The following ITGAX variants were observed in gnomAD, a reference collection of about 807,000 sequenced individuals.
The protein encoded by ITGAX is integrin alpha-X.
In ITGAX, 99 loss-of-function variants were observed where a neutral mutation model predicts 140.2. That is an observed-to-expected ratio of 0.71 (90% CI 0.60 to 0.83). ITGAX has a LOEUF of 0.83. Ranked by LOEUF, ITGAX falls within the 40% of genes least tolerant of loss-of-function variation. ITGAX has a pLI of 0.00. For missense variants in ITGAX, 1,444 were observed against 1,482.0 expected, an observed-to-expected ratio of 0.97 and a Z score of 0.42; for synonymous variants, 631 against 600.4, an observed-to-expected ratio of 1.05 and a Z score of -0.75.
At chr16:31,364,859 A>G (rs1477371513) in intron 14 of ITGAX, among the ~76,000 whole-genome samples, 6 of 151,562 alleles carry the variant, frequency 4.0e-5, no homozygotes, top group South Asian at 4.2e-4. Context: ...AATACAAAAA[A>G]AAAAAAAAAA....
At chr16:31,374,669 TG>T (rs1357870602) in intron 20 of ITGAX, among the ~76,000 whole-genome samples, 1 of 152,174 alleles carries the variant, frequency 6.6e-6, no homozygotes, top group African/African-American at 2.4e-5. Flanking sequence ...CTCTAACCCC[TG>T]GGTTCAAGCA....
Position 31,381,786 on chromosome 16 carries a change from T to G in ITGAX, c.3388-17T>G, listed in dbSNP as rs768514759. 1.1e-6 allele frequency: 1 copy of G among 871,532 alleles called. No individual in the cohort carries two copies. The highest frequency in any genetic ancestry group is 1.6e-5 in the African/African-American group (1 of 61,242). The allele number at this position is 871,532 out of a possible 1,614,324, so 54.0% of individuals were successfully genotyped here. A position where few individuals can be genotyped will look rare whatever the true frequency, so the allele number is the denominator to read the frequency against. On this transcript the variant is annotated splice_polypyrimidine_tract_variant and intron_variant, in intron 29 of 29. Coordinates refer to ENST00000268296, the MANE Select transcript of ITGAX (RefSeq NM_000887.5). ...CTGAATGGGCTTCCTGAGTTTCTTC[T>G]TCGTCCTCCCCCCTAGGTTGGCTTC...
rs989787381 is a variant in ITGAX at position 31,382,419 on chromosome 16, C to T, written c.*512C>T. The stretch of plus-strand genomic sequence containing the variant: ...CGCCACCTCGCCCGGCCCGATCTTT[C>T]TAAAATACAGTTCTGAATATGCTGC... On this transcript the variant is annotated 3_prime_UTR_variant, in exon 30 of 30. Transcript: ENST00000268296. 4 of 1,534,714 alleles carry T rather than the reference C, an allele frequency of 2.6e-6. No homozygotes were observed. Among genetic ancestry groups the T allele is most frequent in the Middle Eastern group, 3.3e-4 (2 of 5,982 alleles).
At position 31,357,034 on chromosome 16, in the gene ITGAX, C is replaced by T. The variant is rs1372867945; in HGVS notation, c.251C>T (p.Pro84Leu). 1 of 1,608,802 alleles carries T rather than the reference C, an allele frequency of 6.2e-7. No individual in the cohort carries two copies. Among genetic ancestry groups the T allele is most frequent in the Admixed American group, 1.7e-5 (1 of 59,006 alleles). The change falls in exon 4 of 30, where the codon CCC (proline) becomes CTC (leucine). Residue 84 changes from proline to leucine, a missense_variant. Coordinates refer to ENST00000268296, the MANE Select transcript of ITGAX (RefSeq NM_000887.5). ...GACEPIGLQV[P>L]PEAVNMSLGL... is the part of the protein sequence containing the mutation. ...ATGCACATATCTGTCCCCACAGTGCCCCCGGAGGCCGTGAACATGTCCCTG... is the reference window on the plus strand; with the variant it reads ...ATGCACATATCTGTCCCCACAGTGCTCCCGGAGGCCGTGAACATGTCCCTG...
At chr16:31,357,212 G>A (rs2142479379) in intron 4 of ITGAX, 41 bp from the exon 5 acceptor site, 1 of 1,549,172 alleles carries the variant, frequency 6.5e-7, no homozygotes. Context: ...GAGGGTGGGA[G>A]GAAGCAGGGG....
chr16:31,379,505 G>T, intron 23 of ITGAX, 63 bp from the exon 24 acceptor site: 1 of 1,478,780 alleles, frequency 6.8e-7, no homozygotes, highest in Non-Finnish European at 9.2e-7. Context: ...TCATGCTCTA[G>T]CCAATGCCTT....
At chr16:31,355,525 C>T (rs1041463090) in intron 1 of ITGAX, among the ~76,000 whole-genome samples, 3 of 152,224 alleles carry the variant, frequency 2.0e-5, no homozygotes, top group African/African-American at 7.2e-5. Flanking sequence ...CCAGTTGTCT[C>T]TGTACTGCAG....
At chr16:31,357,897 A>ATGTG (rs1168934870) in intron 5 of ITGAX, 1 of 217,968 alleles carries the variant, frequency 4.6e-6, no homozygotes, top group African/African-American at 2.3e-5. Flanking sequence ...GTGTGCATGT[A>ATGTG]TGTGTGTGTG....
rs552355957 is a variant in ITGAX at position 31,382,648 on chromosome 16, G to A, written c.*741G>A. 1.5e-4 allele frequency: 92 copies of A among 629,304 alleles called. No individual in the cohort carries two copies. In the East Asian group the frequency reaches 2.6e-3, roughly 18 times the overall value. The allele number at this position is 629,304 out of a possible 1,614,324, so 39.0% of individuals were successfully genotyped here. A position where few individuals can be genotyped will look rare whatever the true frequency, so the allele number is the denominator to read the frequency against. On this transcript the variant is annotated 3_prime_UTR_variant, in exon 30 of 30. Coordinates refer to ENST00000268296, the MANE Select transcript of ITGAX (RefSeq NM_000887.5). ...TCAGGGCTTCATCGTGGGGCTCTCA[G>A]TTCCGATTTCCCAGGCTGAATTGGG...
In ITGAX at chr16:31,372,707, A is replaced by C. The variant is rs761545965; in HGVS notation, c.2366+37A>C. 3 of 1,587,304 alleles carry C rather than the reference A, an allele frequency of 1.9e-6. No homozygotes were observed. In the East Asian group the frequency reaches 6.7e-5, roughly 36 times the overall value. ...CACCTTAGACCTGCCCTACTGCCCC[A>C]GCCTCCTTCCTGGAATCTGGGACTC... On this transcript the variant is annotated intron_variant, in intron 19 of 29. Coordinates refer to ENST00000268296, the MANE Select transcript of ITGAX (RefSeq NM_000887.5).
chr16:31,360,323 C>G lies in ITGAX; in HGVS notation c.721C>G (p.His241Asp), dbSNP rs1221544927. The G allele has an allele frequency of 6.2e-7, 1 of 1,612,250 alleles. No homozygotes were observed. Among genetic ancestry groups the G allele is most frequent in the Non-Finnish European group, 8.5e-7 (1 of 1,179,002 alleles). The change falls in exon 8 of 30, where the codon CAT (histidine) becomes GAT (aspartate). Residue 241 changes from histidine (H) to aspartate (D), a missense_variant. Coordinates refer to ENST00000268296, the MANE Select transcript of ITGAX (RefSeq NM_000887.5). ...CTTTCCTGATAGGCACCGATTGTTC[C>G]ATGCCTCATATGGGGCCCGTAGGGA... ...AIQNVVHRLF[H>D]ASYGARRDAA...
At chr16:31,380,793 A>T in intron 28 of ITGAX, 104 bp from the exon 29 acceptor site, 1 of 1,275,826 alleles carries the variant, frequency 7.8e-7, no homozygotes, top group South Asian at 1.2e-5. Flanking sequence ...CTCTTGGAGC[A>T]GGGCCTGGGG....
intron 8 of ITGAX, chr16:31,360,748 T>G (rs1238564555): frequency 2.0e-6 from 1 of 511,224 alleles, no homozygotes; most frequent in African/African-American, 1.9e-5. Flanking sequence ...ATTCCTGGCC[T>G]TAAGCAATTC....
rs1157801514 is a variant in ITGAX at position 31,376,903 on chromosome 16, T to C, written c.2613T>C (p.Arg871=). Residue 871 remains arginine (R), a synonymous_variant, in exon 21 of 30, where the codon CGT becomes CGC. Coordinates refer to ENST00000268296, the MANE Select transcript of ITGAX (RefSeq NM_000887.5). ...GCAGAATCAACCACCTCATCTTCCG[T>C]GGCGGCGCCCAGGTCAGCCTGGCTT... is the stretch of plus-strand genomic sequence containing the variant. ...TSCRINHLIF[R]GGAQITFLAT... is the part of the protein sequence containing the mutation. The C allele has an allele frequency of 1.2e-6, 2 of 1,614,200 alleles. No homozygotes were observed. Among genetic ancestry groups the C allele is most frequent in the South Asian group, 2.2e-5 (2 of 91,092 alleles).
chr16:31,364,120 C>T (rs2080867190), intron 14 of ITGAX, among the ~76,000 whole-genome samples: 2 of 152,048 alleles, frequency 1.3e-5, no homozygotes, highest in Admixed American at 1.3e-4. Context: ...CAAGAAAGCT[C>T]TGTTAAAAAA....
chr16:31,376,878 G>T lies in ITGAX; in HGVS notation c.2588G>T (p.Cys863Phe). The T allele has an allele frequency of 3.7e-6, 6 of 1,614,238 alleles. No individual in the cohort carries two copies. Among genetic ancestry groups the T allele is most frequent in the Non-Finnish European group, 5.1e-6 (6 of 1,180,042 alleles). Residue 863 changes from cysteine (C) to phenylalanine (F), a missense_variant, in exon 21 of 30, where the codon TGC becomes TTC. Coordinates refer to ENST00000268296, the MANE Select transcript of ITGAX (RefSeq NM_000887.5). ...AGCCAGGGCACCTGGAGCACCAGCT[G>T]CAGAATCAACCACCTCATCTTCCGT... ...VGSQGTWSTS[C>F]RINHLIFRGG...
chr16:31,370,509 C>G (rs1025011917), intron 14 of ITGAX, among the ~76,000 whole-genome samples: 2 of 152,094 alleles, frequency 1.3e-5, no homozygotes, highest in Non-Finnish European at 2.9e-5. Flanking sequence ...GTTGGACGGT[C>G]TGGTGTTAGG....
In ITGAX at chr16:31,371,131, G is replaced by A; in HGVS notation, c.1758G>A (p.Gln586=). 6.2e-7 allele frequency: 1 copy of A among 1,614,152 alleles called. No individual in the cohort carries two copies. Among genetic ancestry groups the A allele is most frequent in the Non-Finnish European group, 8.5e-7 (1 of 1,180,028 alleles). Residue 586 remains glutamine, a synonymous_variant, in exon 15 of 30, where the codon CAG becomes CAA. Transcript: ENST00000268296. Reference sequence around the variant, plus strand: ...CCTCCAGGCTGCAGTATTTTGGGCAGGCACTGAGCGGGGGTCAAGACCTCA... The same window carrying A: ...CCTCCAGGCTGCAGTATTTTGGGCAAGCACTGAGCGGGGGTCAAGACCTCA... ...QLSSRLQYFG[Q]ALSGGQDLTQ...
rs775268837 is a variant in ITGAX at position 31,371,388 on chromosome 16, C to T, written c.1896C>T (p.Ile632=). The part of the protein sequence containing the change: ...GVSMQFIPAE[I]PRSAFECREQ... ...GCATGCAGTTCATACCTGCCGAGAT[C>T]CCCAGGTCTGCGTTTGAGTGTCGGG... Residue 632 remains isoleucine (I), a synonymous_variant, in exon 16 of 30, where the codon ATC becomes ATT. Transcript: ENST00000268296. 6.2e-7 allele frequency: 1 copy of T among 1,614,070 alleles called. No homozygotes were observed. The highest frequency in any genetic ancestry group is 1.7e-5 in the Admixed American group (1 of 60,008).
Sources: allele counts gnomAD v4.1 joint callset (sites outside exome capture counted in the v4.1 genomes callset), GRCh38; gene constraint gnomAD v4.1.1; transcripts MANE v1.5; gene names NCBI Gene and HGNC (gene_info 2026-07-23, HGNC 2026-07-21).